Variants in ANO6 observed in about 807,000 individuals in gnomAD.
ANO6 encodes anoctamin 6, also known as anoctamin-6.
In ANO6, 106 loss-of-function variants were observed where a neutral mutation model predicts 117.5. The observed-to-expected ratio is 0.90, with a 90% CI of 0.77 to 1.06. The LOEUF (loss-of-function observed/expected upper bound fraction) is 1.06, where lower values mean the gene tolerates loss of function less well. ANO6 is among the 50% of genes least tolerant of loss of function. ANO6 has a pLI of 0.00. For synonymous variants in ANO6, 367 were observed against 385.1 expected (o/e 0.95, Z 0.55); for missense variants, 955 against 1,121.1 (o/e 0.85, Z 2.12).
At chr12:45,398,971 C>T (rs768078493) in intron 12 of ANO6, among the ~76,000 whole-genome samples, 1 of 152,024 alleles carries the variant, frequency 6.6e-6, no homozygotes, top group Admixed American at 6.6e-5. Context: ...TTCTTTCCAC[C>T]TATTTATTCT....
At chr12:45,237,436 AC>A (rs1947663155) in intron 1 of ANO6, among the ~76,000 whole-genome samples, 1 of 152,196 alleles carries the variant, frequency 6.6e-6, no homozygotes, top group Non-Finnish European at 1.5e-5. Flanking sequence ...TCAGTTTTCT[AC>A]ATATGGCTAG....
rs555342572 is a variant in ANO6, at chr12:45,384,400, G to T, written c.1166-3761G>T. On this transcript the variant is annotated intron_variant, in intron 10 of 19. Transcript: ENST00000320560. The stretch of plus-strand genomic sequence containing the variant: ...ACTTTTCCTTTGCACTCACAGCTTG[G>T]CAAACTGGCACAAGAGGCCTAGCTT... Among the ~76,000 whole-genome samples the T allele has an allele frequency of 2.6e-5, 4 of 152,292 alleles. No homozygotes were observed. The South Asian group carries it at 8.3e-4, about 32-fold the overall frequency.
chr12:45,321,221 C>G (rs1940258670), intron 2 of ANO6, among the ~76,000 whole-genome samples: 1 of 152,128 alleles, frequency 6.6e-6, no homozygotes, highest in Non-Finnish European at 1.5e-5. Flanking sequence ...AAAGCCTTTT[C>G]AGATAATTGT....
chr12:45,347,803 A>G (rs1289956546), intron 4 of ANO6, among the ~76,000 whole-genome samples: 3 of 152,222 alleles, frequency 2.0e-5, no homozygotes, highest in Non-Finnish European at 2.9e-5. Context: ...AGTTTTATGA[A>G]CTATGATGAT....
At position 45,431,388 on chromosome 12, in the gene ANO6, G is replaced by A. The variant is rs1943629208; in HGVS notation, c.*2077G>A. The A allele has an allele frequency of 1.0e-6, 1 of 985,272 alleles. No individual in the cohort carries two copies. Among genetic ancestry groups the A allele is most frequent in the Non-Finnish European group, 1.2e-6 (1 of 829,920 alleles). The allele number at this position is 985,272 out of a possible 1,614,324, so 61.0% of individuals were successfully genotyped here. On this transcript the variant is annotated 3_prime_UTR_variant, in exon 20 of 20. Transcript: ENST00000320560. Reference sequence around the variant, plus strand: ...TAGTGTTTAAATTTGGCAGTTACTCGCCATGTATGTCAGCATAGAAAAGGA... The same window carrying A: ...TAGTGTTTAAATTTGGCAGTTACTCACCATGTATGTCAGCATAGAAAAGGA...
chr12:45,251,720 G>A (rs78327544), intron 1 of ANO6, among the ~76,000 whole-genome samples: 2,206 of 152,292 alleles, frequency 0.014, 44 homozygotes, highest in East Asian at 0.068. Context: ...GGGAGGGGCC[G>A]TAGCCTCCAT....
chr12:45,284,847 T>A (rs1938856424), intron 1 of ANO6, among the ~76,000 whole-genome samples: 1 of 152,186 alleles, frequency 6.6e-6, no homozygotes, highest in African/African-American at 2.4e-5. Context: ...AGGCCTCAGA[T>A]GAAACCACAA....
At chr12:45,256,115 C>T (rs1937818118) in intron 1 of ANO6, among the ~76,000 whole-genome samples, 1 of 152,186 alleles carries the variant, frequency 6.6e-6, no homozygotes, top group Admixed American at 6.5e-5. Flanking sequence ...TGATCCACTG[C>T]ATCCAGCCTC....
chr12:45,371,278 T>A (rs1202519577), intron 9 of ANO6, among the ~76,000 whole-genome samples: 1 of 152,102 alleles, frequency 6.6e-6, no homozygotes, highest in Non-Finnish European at 1.5e-5. Context: ...GCAGCGAGGC[T>A]AGGGGAGGGG....
chr12:45,218,390 C>CTTT lies in ANO6; in HGVS notation c.70+2019_70+2021dup, dbSNP rs76855973. On this transcript the variant is annotated intron_variant, in intron 1 of 19. Transcript: ENST00000320560. Reference sequence around the variant, plus strand: ...ATGTGATTTCTGTTTCTTTCTTTCTCTTTTTTTTTTTTTTTTTTTTTTGAG... The same window carrying CTTT: ...ATGTGATTTCTGTTTCTTTCTTTCTCTTTTTTTTTTTTTTTTTTTTTTTTTGAG... Among the ~76,000 whole-genome samples, 977 of 110,066 alleles carry CTTT rather than the reference C, an allele frequency of 8.9e-3. 29 individuals are homozygous for CTTT. Among genetic ancestry groups the CTTT allele is most frequent in the African/African-American group, 0.03 (780 of 26,104 alleles). 72.2% of individuals were successfully genotyped at this position (110,066 alleles called of 152,430 possible).
chr12:45,216,483 G>C (rs746227475), intron 1 of ANO6, 92 bp downstream of exon 1: 42 of 1,444,352 alleles, frequency 2.9e-5, no homozygotes, highest in Middle Eastern at 1.9e-4. Context: ...GCTCTCCGCG[G>C]GGGAGGTTGG....
At chr12:45,279,669 T>C (rs1324897862) in intron 1 of ANO6, among the ~76,000 whole-genome samples, 1 of 152,256 alleles carries the variant, frequency 6.6e-6, no homozygotes, top group Non-Finnish European at 1.5e-5. Context: ...TTCCCACATT[T>C]GCTACAAACT....
intron 9 of ANO6, among the ~76,000 whole-genome samples, chr12:45,376,883 AAAAAAG>A (rs1047666627): frequency 8.9e-4 from 133 of 149,492 alleles, no homozygotes; most frequent in African/African-American, 2.9e-3. Context: ...TATTGAAAAA[AAAAAAG>A]AAGAAGAATG....
intron 16 of ANO6, among the ~76,000 whole-genome samples, chr12:45,410,381 A>G (rs1335717382): frequency 6.6e-6 from 1 of 152,196 alleles, no homozygotes; most frequent in African/African-American, 2.4e-5. Context: ...TGGAATTAAG[A>G]TTTAGCACAG....
chr12:45,328,455 T>A (rs547373635), intron 2 of ANO6, among the ~76,000 whole-genome samples: 114 of 152,284 alleles, frequency 7.5e-4, no homozygotes, highest in Non-Finnish European at 1.4e-3. Context: ...GTCTTCTATC[T>A]CTGCAATATT....
intron 3 of ANO6, among the ~76,000 whole-genome samples, chr12:45,346,283 A>G (rs1323558322): frequency 6.6e-6 from 1 of 152,184 alleles, no homozygotes; most frequent in Non-Finnish European, 1.5e-5. Context: ...TTCTTTTTAA[A>G]AGGTCAAACA....
downstream of ANO6, among the ~76,000 whole-genome samples, chr12:45,432,519 G>GTATT (rs1446953503): frequency 5.9e-5 from 9 of 152,100 alleles, no homozygotes; most frequent in Non-Finnish European, 1.3e-4. Context: ...TATATTCAGT[G>GTATT]TATTAAGGTT....
intron 8 of ANO6, among the ~76,000 whole-genome samples, chr12:45,366,479 G>A (rs573334688): frequency 1.1e-4 from 17 of 152,148 alleles, no homozygotes; most frequent in African/African-American, 2.4e-4. Flanking sequence ...TACCAGACCC[G>A]TTTTATTGAA....
intron 1 of ANO6, among the ~76,000 whole-genome samples, chr12:45,282,229 A>G (rs1450579820): frequency 6.6e-6 from 1 of 152,252 alleles, no homozygotes; most frequent in East Asian, 1.9e-4. Context: ...GGACATTTCC[A>G]AGTCAAGATG....
Sources: gnomAD v4.1 joint callset for allele counts (sites outside exome capture counted in the v4.1 genomes callset) on GRCh38, gnomAD v4.1.1 for gene constraint, MANE v1.5 for transcripts, NCBI Gene and HGNC (gene_info 2026-07-23, HGNC 2026-07-21) for gene names.